Variants in NRXN1 observed in about 807,000 individuals in gnomAD.
NRXN1 encodes the protein neurexin 1, also known as neurexin-1.
In NRXN1, 39 loss-of-function variants were observed where a neutral mutation model predicts 150.9. The observed-to-expected ratio is 0.26, with a 90% CI of 0.20 to 0.34. The LOEUF (loss-of-function observed/expected upper bound fraction) is 0.34. Ranked by LOEUF, NRXN1 falls within the 10% of genes least tolerant of loss-of-function variation. The pLI is 1.00. For synonymous variants in NRXN1, 924 were observed against 757.0 expected, an observed-to-expected ratio of 1.22 and a Z score of -3.62; for missense variants, 1,815 against 1,949.9, an observed-to-expected ratio of 0.93 and a Z score of 1.30.
intron 18 of NRXN1, among the ~76,000 whole-genome samples, chr2:50,189,697 A>G (rs1452786): frequency 0.81 from 123,864 of 152,030 alleles, 50,939 homozygotes; most frequent in African/African-American, 0.92. Flanking sequence ...GTATAAGCAG[A>G]AAGGGAATAT....
intron 15 of NRXN1, among the ~76,000 whole-genome samples, chr2:50,493,018 A>G (rs1435793518): frequency 1.3e-5 from 2 of 152,176 alleles, no homozygotes; most frequent in Admixed American, 1.3e-4. Flanking sequence ...ACACCACAAC[A>G]TGATTCTCAA....
intron 2 of NRXN1, among the ~76,000 whole-genome samples, chr2:50,940,301 C>G (rs575206839): frequency 1.1e-4 from 17 of 151,750 alleles, no homozygotes; most frequent in African/African-American, 4.1e-4. Context: ...ATGGTGAAAC[C>G]CCATCTCTAC....
chr2:50,628,388 C>T (rs1405457721), intron 5 of NRXN1, among the ~76,000 whole-genome samples: 2 of 151,612 alleles, frequency 1.3e-5, no homozygotes, highest in Non-Finnish European at 3.0e-5. Flanking sequence ...GGAAAAAATT[C>T]AGTCTGTGGA....
intron 21 of NRXN1, among the ~76,000 whole-genome samples, chr2:50,004,289 T>C (rs1485864616): frequency 6.6e-6 from 1 of 152,102 alleles, no homozygotes; most frequent in Non-Finnish European, 1.5e-5. Context: ...ATATTTGTGG[T>C]AGTCCATATG....
At chr2:50,076,948 A>G (rs1444754458) in intron 19 of NRXN1, among the ~76,000 whole-genome samples, 1 of 152,146 alleles carries the variant, frequency 6.6e-6, no homozygotes, top group East Asian at 1.9e-4. Flanking sequence ...CATTTTATGA[A>G]TTATTTTTTA....
At chr2:50,942,084 A>G (rs2104496199) in intron 2 of NRXN1, among the ~76,000 whole-genome samples, 1 of 152,236 alleles carries the variant, frequency 6.6e-6, no homozygotes, top group Admixed American at 6.5e-5. Flanking sequence ...CTAAAAGGGG[A>G]GAAGGCACAG....
chr2:50,245,857 C>G (rs1250649725), intron 17 of NRXN1, among the ~76,000 whole-genome samples: 1 of 151,436 alleles, frequency 6.6e-6, no homozygotes, highest in African/African-American at 2.4e-5. Flanking sequence ...CACAGAGAAA[C>G]CAAGTGTCTT....
Position 50,495,672 on chromosome 2 carries a change from C to A in NRXN1, c.3070+233G>T, listed in dbSNP as rs371808873. Among the ~76,000 whole-genome samples the A allele has an allele frequency of 2.0e-5, 3 of 152,122 alleles. No homozygotes were observed. The South Asian group carries it at 6.2e-4, about 32-fold the overall frequency. The stretch of plus-strand genomic sequence containing the variant: ...TTTTTCTCACTTTTTACATTTTAAT[C>A]ATGCATGCTTCCTTAGGTGCTGCAT... On this transcript the variant is annotated intron_variant, in intron 15 of 22. Transcript: ENST00000401669.
intron 5 of NRXN1, chr2:50,912,842 A>C (rs1684718799): frequency 6.6e-6 from 1 of 151,958 alleles, no homozygotes; most frequent in East Asian, 1.9e-4. Flanking sequence ...TCGTTCTATA[A>C]ATAATGAGGA....
chr2:50,352,127 AT>A (rs1228964427), intron 17 of NRXN1, among the ~76,000 whole-genome samples: 2 of 152,134 alleles, frequency 1.3e-5, no homozygotes, highest in African/African-American at 4.8e-5. Flanking sequence ...ACGCCTGATG[AT>A]TTATCATGAA....
chr2:50,840,245 C>T (rs780116509), intron 5 of NRXN1, among the ~76,000 whole-genome samples: 63 of 152,040 alleles, frequency 4.1e-4, no homozygotes, highest in Non-Finnish European at 7.6e-4. Flanking sequence ...TTTTATTTGT[C>T]AAGCTGTTTA....
At chr2:50,818,174 C>A (rs1400176107) in intron 5 of NRXN1, among the ~76,000 whole-genome samples, 2 of 138,624 alleles carry the variant, frequency 1.4e-5, no homozygotes, top group Admixed American at 7.1e-5. Flanking sequence ...GATACAAAGT[C>A]AACATACAAA....
chr2:50,253,053 CT>C (rs771486349), intron 17 of NRXN1, among the ~76,000 whole-genome samples: 1 of 151,942 alleles, frequency 6.6e-6, no homozygotes, highest in Non-Finnish European at 1.5e-5. Context: ...GCATGGAATG[CT>C]TTTTCATTTG....
intron 11 of NRXN1, among the ~76,000 whole-genome samples, chr2:50,529,593 A>G (rs948576249): frequency 2.6e-5 from 4 of 152,186 alleles, no homozygotes; most frequent in African/African-American, 9.6e-5. Context: ...ATAAACCTAG[A>G]TTCTGTTTCC....
At chr2:50,441,511 G>A (rs1042582724) in intron 17 of NRXN1, among the ~76,000 whole-genome samples, 1 of 152,012 alleles carries the variant, frequency 6.6e-6, no homozygotes, top group Non-Finnish European at 1.5e-5. Context: ...GGGATAAATG[G>A]CATTTGTTCT....
chr2:50,066,377 C>T (rs186808102), intron 19 of NRXN1, among the ~76,000 whole-genome samples: 51 of 152,114 alleles, frequency 3.4e-4, no homozygotes, highest in East Asian at 7.7e-4. Context: ...GACATAAGTA[C>T]GCAATTAACC....
intron 2 of NRXN1, among the ~76,000 whole-genome samples, chr2:50,997,887 T>G (rs1699534530): frequency 7.1e-6 from 1 of 141,680 alleles, no homozygotes; most frequent in South Asian, 2.2e-4. Context: ...CACTCTTCCT[T>G]AAATATAATG....
At chr2:50,677,853 C>T (rs887803749) in intron 5 of NRXN1, among the ~76,000 whole-genome samples, 3 of 152,044 alleles carry the variant, frequency 2.0e-5, no homozygotes, top group African/African-American at 7.2e-5. Flanking sequence ...GAGAGAACCA[C>T]AAGAGGCATA....
At chr2:50,205,620 A>G (rs931460532) in intron 18 of NRXN1, among the ~76,000 whole-genome samples, 2 of 152,122 alleles carry the variant, frequency 1.3e-5, no homozygotes, top group Non-Finnish European at 2.9e-5. Flanking sequence ...GACATCAAGC[A>G]GCTAAGCACT....
Sources: gnomAD v4.1 joint callset for allele counts (sites outside exome capture counted in the v4.1 genomes callset) on GRCh38, gnomAD v4.1.1 for gene constraint, MANE v1.5 for transcripts, NCBI Gene and HGNC (gene_info 2026-07-23, HGNC 2026-07-21) for gene names.